GEN1: variants seen among roughly 807,000 people sequenced by gnomAD.
GEN1 encodes the protein GEN1 structure-specific endonuclease, also known as flap endonuclease GEN homolog 1.
GEN1 carries 64 observed loss-of-function variants against 67.6 expected under a neutral mutation model. The observed-to-expected ratio is 0.95, with a 90% CI of 0.77 to 1.17. The LOEUF is 1.17. Ranked by LOEUF, GEN1 falls within the 50% of genes most tolerant of loss-of-function variation. GEN1 has a pLI of 0.00. For missense variants in GEN1, 1,058 were observed against 1,048.3 expected (o/e 1.01, Z -0.13); for synonymous variants, 371 against 359.4 (o/e 1.03, Z -0.37).
In GEN1 at chr2:17,760,085, G is replaced by C. The variant is rs202068919; in HGVS notation, c.142G>C (p.Val48Leu). 2.5e-6 allele frequency: 4 copies of C among 1,613,960 alleles called. No individual in the cohort carries two copies. Among genetic ancestry groups the C allele is most frequent in the Non-Finnish European group, 3.4e-6 (4 of 1,179,952 alleles). ...GACAGTCAAAAAAATGATGGGCAGCGTCATGAAGCCCCACCTCAGGTATAG... is the reference window on the plus strand; with the variant it reads ...GACAGTCAAAAAAATGATGGGCAGCCTCATGAAGCCCCACCTCAGGTATAG... Reference protein sequence around the residue: ...AQTVKKMMGSVMKPHLRNLFF... With the variant: ...AQTVKKMMGSLMKPHLRNLFF... The change falls in exon 2 of 14, where the codon GTC becomes CTC. Residue 48 changes from valine (V) to leucine (L), a missense_variant. By Grantham distance (32) the Val-to-Leu change is conservative. Transcript: ENST00000381254.
intron 3 of GEN1, among the ~76,000 whole-genome samples, chr2:17,763,898 G>A (rs757770142): frequency 7.2e-5 from 11 of 152,162 alleles, no homozygotes; most frequent in Non-Finnish European, 1.0e-4. Flanking sequence ...GTAATGTGGC[G>A]TGGAAGTGAT....
chr2:17,756,310 T>C (rs1049692622), intron 1 of GEN1, among the ~76,000 whole-genome samples: 2 of 152,214 alleles, frequency 1.3e-5, no homozygotes, highest in African/African-American at 4.8e-5. Context: ...CATTAATAGG[T>C]TTATAAAGTT....
intron 7 of GEN1, among the ~76,000 whole-genome samples, chr2:17,772,157 T>TA (rs998579925): frequency 1.4e-4 from 21 of 152,174 alleles, no homozygotes; most frequent in Non-Finnish European, 4.4e-5. Context: ...AAGGATAGTT[T>TA]AAAAATAACT....
At chr2:17,761,268 G>A (rs1186277319) in intron 2 of GEN1, 128 bp from the exon 3 acceptor site, 6 of 596,248 alleles carry the variant, frequency 1.0e-5, no homozygotes, top group Non-Finnish European at 1.8e-5. Context: ...TCTAATTAAA[G>A]CTTAAGTAAA....
At chr2:17,759,460 T>G (rs2125118472) in intron 1 of GEN1, among the ~76,000 whole-genome samples, 1 of 152,304 alleles carries the variant, frequency 6.6e-6, no homozygotes, top group South Asian at 2.1e-4. Context: ...GCCAACGCCC[T>G]TTTAAGAAAG....
chr2:17,760,304 C>G (rs1012491005), intron 2 of GEN1, among the ~76,000 whole-genome samples, 200 bp downstream of exon 2: 1 of 152,188 alleles, frequency 6.6e-6, no homozygotes, highest in Non-Finnish European at 1.5e-5. Flanking sequence ...GCTCCAGACT[C>G]ACATAGCTAT....
Position 17,781,558 on chromosome 2 carries a change from T to TA in GEN1, c.2347dup (p.Met783AsnfsTer16). ...CTTTAGATCATAGTAGAAAAGTTGA[T>TA]ATGCAAACCACTCGGAAAATTTTAA... On this transcript the variant is annotated frameshift_variant, in exon 14 of 14. Transcript: ENST00000381254. LOFTEE classifies it low-confidence loss of function (END_TRUNC). 1 of 1,613,918 alleles carries TA rather than the reference T, an allele frequency of 6.2e-7. No individual in the cohort carries two copies. Among genetic ancestry groups the TA allele is most frequent in the Admixed American group, 1.7e-5 (1 of 60,030 alleles).
At chr2:17,772,010 T>C (rs574785748) in intron 7 of GEN1, among the ~76,000 whole-genome samples, 1 of 152,118 alleles carries the variant, frequency 6.6e-6, no homozygotes, top group Non-Finnish European at 1.5e-5. Context: ...TGATAACTTA[T>C]AAATGACAAT....
chr2:17,773,348 A>G, intron 10 of GEN1, 49 bp downstream of exon 10: 1 of 1,066,158 alleles, frequency 9.4e-7, no homozygotes, highest in South Asian at 1.4e-5. Flanking sequence ...TATGCTGGAA[A>G]GATAGGAACA....
chr2:17,778,444 A>G (rs1409185345), intron 12 of GEN1, among the ~76,000 whole-genome samples: 3 of 84,038 alleles, frequency 3.6e-5, no homozygotes, highest in African/African-American at 1.2e-4. Context: ...ATACACACAC[A>G]TATATGTGTG....
intron 12 of GEN1, among the ~76,000 whole-genome samples, chr2:17,778,347 C>CGT (rs1553331345): frequency 1.4e-4 from 5 of 35,150 alleles, no homozygotes; most frequent in Non-Finnish European, 3.2e-4. Flanking sequence ...TATACACACA[C>CGT]ATGTGTGTAC....
rs751324164 is a variant in GEN1 at position 17,771,203 on chromosome 2, C to T, written c.718C>T (p.Arg240Trp). 1.0e-5 allele frequency: 16 copies of T among 1,603,560 alleles called. No individual in the cohort carries two copies. The highest frequency in any genetic ancestry group is 1.3e-5 in the Non-Finnish European group (15 of 1,170,854). ...KGQSLLQRFN[R>W]WNETSCNSSP... ...AACCACTTTCTATTAAAGGTTTAAT[C>T]GGTGGAATGAAACATCTTGTAACTC... Residue 240 changes from arginine to tryptophan, a missense_variant, in exon 7 of 14, where the codon CGG becomes TGG. Physicochemically the swap from Arg to Trp is moderately radical, Grantham distance 101. Transcript: ENST00000381254.
intron 2 of GEN1, among the ~76,000 whole-genome samples, chr2:17,760,823 G>A (rs763732948): frequency 6.6e-5 from 10 of 151,772 alleles, no homozygotes; most frequent in Non-Finnish European, 1.3e-4. Context: ...TTGGGATGCT[G>A]AGGCAGGAAA....
Position 17,781,226 on chromosome 2 carries a change from T to A in GEN1, c.2014T>A (p.Leu672Met), listed in dbSNP as rs757636006. Residue 672 changes from leucine (L) to methionine (M), a missense_variant, in exon 14 of 14, where the codon TTG becomes ATG. Transcript: ENST00000381254. Reference protein sequence around the residue: ...SGITDLCLQDLPLKERIFTKL... With the variant: ...SGITDLCLQDMPLKERIFTKL... The stretch of plus-strand genomic sequence containing the variant: ...CATTACTGATTTATGTCTTCAGGAT[T>A]TGCCTTTAAAGGAACGAATATTTAC... 6.2e-7 allele frequency: 1 copy of A among 1,613,654 alleles called. No homozygotes were observed. The highest frequency in any genetic ancestry group is 2.2e-5 in the East Asian group (1 of 44,860).
Position 17,781,014 on chromosome 2 carries a change from T to G in GEN1, c.1802T>G (p.Ile601Ser). The change falls in exon 14 of 14, where the codon ATT becomes AGT. Residue 601 changes from isoleucine (I) to serine (S), a missense_variant. Ile to Ser is a moderately radical substitution (Grantham distance 142). Transcript: ENST00000381254. The stretch of plus-strand genomic sequence containing the variant: ...ACTTCTTTTAGTAATTCTCCAGCTA[T>G]TCAAAGGAATACTTTTTCTCATGAT... The part of the protein sequence containing the change: ...EGTSFSNSPA[I>S]QRNTFSHDLK... 1.2e-6 allele frequency: 2 copies of G among 1,613,894 alleles called. No homozygotes were observed. Among genetic ancestry groups the G allele is most frequent in the Non-Finnish European group, 1.7e-6 (2 of 1,179,838 alleles).
chr2:17,778,022 G>C lies in GEN1; in HGVS notation c.1223G>C (p.Arg408Thr). The change falls in exon 12 of 14, where the codon AGA (arginine) becomes ACA (threonine). Residue 408 changes from arginine to threonine, a missense_variant. By Grantham distance (71) the Arg-to-Thr change is moderately conservative. Coordinates refer to ENST00000381254, the MANE Select transcript of GEN1 (RefSeq NM_001130009.3). Reference protein sequence around the residue: ...QPIRIVKTRIRNGVHCFEIEW... With the variant: ...QPIRIVKTRITNGVHCFEIEW... ...TTCAGAATTGTTAAGACTCGAATCA[G>C]AAATGGAGTTCATTGTTTTGAAATA... 6.3e-7 allele frequency: 1 copy of C among 1,594,992 alleles called. No individual in the cohort carries two copies. The highest frequency in any genetic ancestry group is 8.6e-7 in the Non-Finnish European group (1 of 1,164,496).
chr2:17,778,339 T>C lies in GEN1; in HGVS notation c.1264+276T>C, dbSNP rs867243222. 1.5e-3 allele frequency among the ~76,000 whole-genome samples: 56 copies of C among 37,942 alleles called. 2 individuals are homozygous for C. Among genetic ancestry groups the C allele is most frequent in the Non-Finnish European group, 2.4e-3 (44 of 17,966 alleles). The allele number at this position is 37,942 out of a possible 152,430, so 24.9% of individuals were successfully genotyped here. On this transcript the variant is annotated intron_variant, in intron 12 of 13. Coordinates refer to ENST00000381254, the MANE Select transcript of GEN1 (RefSeq NM_001130009.3). Reference sequence around the variant, plus strand: ...ACACACACACGTGTACATATATGTATACACACACATGTGTGTACATATATG... The same window carrying C: ...ACACACACACGTGTACATATATGTACACACACACATGTGTGTACATATATG...
At chr2:17,768,663 TC>T (rs1383667594) in intron 5 of GEN1, 74 bp from the exon 6 acceptor site, 10 of 1,081,154 alleles carry the variant, frequency 9.2e-6, no homozygotes, top group Non-Finnish European at 1.1e-5. Context: ...TGCTGACTCT[TC>T]CGTTCAATTA....
intron 1 of GEN1, among the ~76,000 whole-genome samples, chr2:17,756,866 G>T (rs2125114779): frequency 6.6e-6 from 1 of 152,226 alleles, no homozygotes; most frequent in African/African-American, 2.4e-5. Flanking sequence ...ATTGCATTCT[G>T]TCCTTTTTTG....
Sources: gnomAD v4.1 joint callset for allele counts (sites outside exome capture counted in the v4.1 genomes callset) on GRCh38, gnomAD v4.1.1 for gene constraint, MANE v1.5 for transcripts, NCBI Gene and HGNC (gene_info 2026-07-23, HGNC 2026-07-21) for gene names.